The following DNAH11 variants were observed in gnomAD, a reference collection of about 807,000 sequenced individuals.
DNAH11 encodes the protein dynein axonemal heavy chain 11, also known as axonemal beta dynein heavy chain 11.
A neutral mutation model predicts 526.0 loss-of-function variants in DNAH11; 442 were observed. The ratio of observed to expected loss-of-function variants is 0.84; its 90% CI spans 0.78 to 0.91. The LOEUF is 0.91. Among genes scored for constraint, DNAH11 ranks in the 40% least tolerant of loss-of-function variants. DNAH11 has a pLI of 0.00. For synonymous variants in DNAH11, 2,461 were observed against 1,935.9 expected (o/e 1.27, Z -7.12); for missense variants, 6,989 against 5,448.7 (o/e 1.28, Z -8.90).
chr7:21,713,549 C>T (rs1230519796), intron 42 of DNAH11, among the ~76,000 whole-genome samples: 1 of 152,170 alleles, frequency 6.6e-6, no homozygotes, highest in Non-Finnish European at 1.5e-5. Context: ...ATACAATACC[C>T]ATTCCTTGTG....
chr7:21,808,207 A>G (rs774887769), intron 63 of DNAH11, among the ~76,000 whole-genome samples, 158 bp downstream of exon 63: 3 of 152,060 alleles, frequency 2.0e-5, no homozygotes, highest in Non-Finnish European at 2.9e-5. Flanking sequence ...AGTTTTTCTT[A>G]TTTTTACAAA....
rs144587441 is a variant in DNAH11, at chr7:21,688,025, G to A, written c.5924+498G>A. Among the ~76,000 whole-genome samples the A allele has an allele frequency of 1.8e-3, 278 of 152,280 alleles. 2 individuals carry two copies. In the Middle Eastern group the frequency reaches 0.024, roughly 13 times the overall value. ...TGCAGTGAGATGTGTTCGTGCCACCGTGCTCCAGCCTAGGAGACAGAGCAA... is the reference window on the plus strand; with the variant it reads ...TGCAGTGAGATGTGTTCGTGCCACCATGCTCCAGCCTAGGAGACAGAGCAA... On this transcript the variant is annotated intron_variant, in intron 34 of 81. Coordinates refer to ENST00000409508, the MANE Select transcript of DNAH11 (RefSeq NM_001277115.2).
At chr7:21,856,090 G>T (rs1782836017) in intron 68 of DNAH11, among the ~76,000 whole-genome samples, 1 of 152,142 alleles carries the variant, frequency 6.6e-6, no homozygotes, top group African/African-American at 2.4e-5. Context: ...GTGGCTGCAG[G>T]GTAATGAGCA....
At chr7:21,594,054 A>G (rs1476112082) in intron 14 of DNAH11, among the ~76,000 whole-genome samples, 3 of 122,462 alleles carry the variant, frequency 2.4e-5, no homozygotes, top group Non-Finnish European at 5.2e-5. Flanking sequence ...ACACTCTTTC[A>G]TACACACATA....
Position 21,901,363 on chromosome 7 carries a change from T to TGCATTCTTTTTTCAACGCTATCCTTA in DNAH11, c.*111_*136dup. 7.3e-7 allele frequency: 1 copy of TGCATTCTTTTTTCAACGCTATCCTTA among 1,362,632 alleles called. No individual in the cohort carries two copies. Among genetic ancestry groups the TGCATTCTTTTTTCAACGCTATCCTTA allele is most frequent in the Non-Finnish European group, 9.6e-7 (1 of 1,046,234 alleles). The allele number at this position is 1,362,632 out of a possible 1,614,324, so 84.4% of individuals were successfully genotyped here. On this transcript the variant is annotated 3_prime_UTR_variant, in exon 82 of 82. Coordinates refer to ENST00000409508, the MANE Select transcript of DNAH11 (RefSeq NM_001277115.2). Reference sequence around the variant, plus strand: ...TTCTAACTTTTTAGTAACTCACACGTGCATTCTTTTTTCAACGCTATCCTT... The same window carrying TGCATTCTTTTTTCAACGCTATCCTTA: ...TTCTAACTTTTTAGTAACTCACACGTGCATTCTTTTTTCAACGCTATCCTTAGCATTCTTTTTTCAACGCTATCCTT...
chr7:21,824,524 T>C (rs917234487), intron 65 of DNAH11, among the ~76,000 whole-genome samples: 2 of 152,188 alleles, frequency 1.3e-5, no homozygotes, highest in Non-Finnish European at 2.9e-5. Flanking sequence ...AGATCAAAGA[T>C]CTGTCCCATT....
intron 54 of DNAH11, among the ~76,000 whole-genome samples, chr7:21,750,806 C>T (rs1786380550): frequency 6.6e-6 from 1 of 152,072 alleles, no homozygotes; most frequent in Non-Finnish European, 1.5e-5. Flanking sequence ...CGGGAAATGG[C>T]ATTTATATAA....
intron 45 of DNAH11, among the ~76,000 whole-genome samples, chr7:21,730,210 A>G (rs1031470820): frequency 6.6e-6 from 1 of 152,348 alleles, no homozygotes; most frequent in African/African-American, 2.4e-5. Flanking sequence ...ACAATAGCCA[A>G]GATATGGAGT....
intron 18 of DNAH11, among the ~76,000 whole-genome samples, chr7:21,605,797 A>G (rs1165167209): frequency 3.9e-5 from 6 of 152,308 alleles, no homozygotes; most frequent in South Asian, 2.1e-4. Flanking sequence ...GAGCACTTCA[A>G]TTTTATTCCC....
intron 20 of DNAH11, among the ~76,000 whole-genome samples, chr7:21,610,185 T>C (rs2390544): frequency 0.27 from 41,293 of 151,782 alleles, 5,894 homozygotes; most frequent in East Asian, 0.55. Flanking sequence ...ACCTGGGAGG[T>C]GTAGCTTGCA....
chr7:21,784,502 C>T lies in DNAH11; in HGVS notation c.9559C>T (p.Leu3187=). 1 of 1,613,204 alleles carries T rather than the reference C, an allele frequency of 6.2e-7. No homozygotes were observed. Among genetic ancestry groups the T allele is most frequent in the Non-Finnish European group, 8.5e-7 (1 of 1,179,504 alleles). The change falls in exon 58 of 82, where the codon CTG becomes TTG. Residue 3187 remains leucine (L), a synonymous_variant. Coordinates refer to ENST00000409508, the MANE Select transcript of DNAH11 (RefSeq NM_001277115.2). ...EADLLKAEPA[L]VAATAALNTL... ...TGACTTACTCAAGGCTGAGCCTGCA[C>T]TGGTGGCTGCTACAGCTGCACTCAA...
At chr7:21,699,330 C>G (rs17150372) in intron 36 of DNAH11, among the ~76,000 whole-genome samples, 4 of 152,086 alleles carry the variant, frequency 2.6e-5, no homozygotes, top group Non-Finnish European at 4.4e-5. Flanking sequence ...TCTTGAAGAT[C>G]TATTGAAGTT....
chr7:21,744,319 T>C (rs1375288470), intron 49 of DNAH11, 119 bp from the exon 50 acceptor site: 2 of 1,093,940 alleles, frequency 1.8e-6, no homozygotes, highest in African/African-American at 1.6e-5. Context: ...CACATTACTA[T>C]TGATGATATT....
At chr7:21,623,629 G>A (rs1243009070) in intron 25 of DNAH11, among the ~76,000 whole-genome samples, 1 of 152,002 alleles carries the variant, frequency 6.6e-6, no homozygotes, top group East Asian at 1.9e-4. Flanking sequence ...GGAATACTAT[G>A]CAGCCATAAA....
At chr7:21,682,031 T>C (rs775683636) in intron 31 of DNAH11, among the ~76,000 whole-genome samples, 2 of 152,202 alleles carry the variant, frequency 1.3e-5, no homozygotes, top group Non-Finnish European at 2.9e-5. Context: ...ACACAGCCAA[T>C]AGCAGTAAGA....
intron 2 of DNAH11, among the ~76,000 whole-genome samples, chr7:21,555,363 G>C (rs1192206990): frequency 6.6e-6 from 1 of 152,210 alleles, no homozygotes; most frequent in East Asian, 1.9e-4. Flanking sequence ...CTGGGGGAAT[G>C]TCAGAGGGAG....
intron 25 of DNAH11, among the ~76,000 whole-genome samples, chr7:21,630,914 C>G (rs573778989): frequency 6.6e-6 from 1 of 152,264 alleles, no homozygotes; most frequent in South Asian, 2.1e-4. Flanking sequence ...ACAATCTTCA[C>G]TGCTTTTCAT....
At chr7:21,650,759 C>T (rs919026495) in intron 28 of DNAH11, among the ~76,000 whole-genome samples, 2 of 151,960 alleles carry the variant, frequency 1.3e-5, no homozygotes, top group Middle Eastern at 3.4e-3. Flanking sequence ...CCTGCCTCAG[C>T]CTCCAGAGTA....
chr7:21,699,686 T>A (rs953739916), intron 36 of DNAH11, among the ~76,000 whole-genome samples: 10 of 152,150 alleles, frequency 6.6e-5, no homozygotes, highest in Admixed American at 6.6e-4. Flanking sequence ...TTTTCCTTAT[T>A]CTTAAAATCT....
Sources: gnomAD v4.1 joint callset for allele counts (sites outside exome capture counted in the v4.1 genomes callset) on GRCh38, gnomAD v4.1.1 for gene constraint, MANE v1.5 for transcripts, NCBI Gene and HGNC (gene_info 2026-07-23, HGNC 2026-07-21) for gene names.